The following KCNIP4 variants were observed in gnomAD, a reference collection of about 807,000 sequenced individuals.
The protein encoded by KCNIP4 is potassium voltage-gated channel interacting protein 4, also known as Kv channel-interacting protein 4.
In KCNIP4, 12 loss-of-function variants were observed where a neutral mutation model predicts 34.0. That is an observed-to-expected ratio of 0.35 (90% CI 0.23 to 0.57). The LOEUF (loss-of-function observed/expected upper bound fraction) is 0.57, where lower values mean the gene tolerates loss of function less well. Among genes scored for constraint, KCNIP4 ranks in the 20% least tolerant of loss-of-function variants. The pLI, the probability that KCNIP4 is intolerant of heterozygous loss-of-function variation, is 0.83. For synonymous variants in KCNIP4, 124 were observed against 102.2 expected, an observed-to-expected ratio of 1.21 and a Z score of -1.29; for missense variants, 238 against 311.7, an observed-to-expected ratio of 0.76 and a Z score of 1.78.
chr4:21,926,728 T>C (rs1729270038), intron 1 of KCNIP4, among the ~76,000 whole-genome samples: 1 of 152,160 alleles, frequency 6.6e-6, no homozygotes, highest in Non-Finnish European at 1.5e-5. Flanking sequence ...TACTACCTCT[T>C]AGACTACCTC....
intron 1 of KCNIP4, among the ~76,000 whole-genome samples, chr4:21,015,814 AC>A (rs1407964629): frequency 2.2e-5 from 3 of 137,752 alleles, no homozygotes; most frequent in South Asian, 4.3e-4. Flanking sequence ...TACTATATAT[AC>A]CATATATAAA....
chr4:20,749,797 GC>G, intron 4 of KCNIP4, 65 bp from the exon 5 acceptor site: 1 of 1,042,494 alleles, frequency 9.6e-7, no homozygotes, highest in South Asian at 1.5e-5. Context: ...GACTTGGATA[GC>G]AGTCCAAGCT....
chr4:21,230,272 T>C (rs936742969), intron 1 of KCNIP4, among the ~76,000 whole-genome samples: 1 of 152,126 alleles, frequency 6.6e-6, no homozygotes, highest in African/African-American at 2.4e-5. Context: ...GTAGAGTTCA[T>C]TCCCCTGCTT....
At chr4:21,726,353 G>A (rs987396710) in intron 1 of KCNIP4, among the ~76,000 whole-genome samples, 4 of 152,214 alleles carry the variant, frequency 2.6e-5, no homozygotes, top group South Asian at 2.1e-4. Flanking sequence ...CTAATAAACT[G>A]TATTTTAAGC....
intron 1 of KCNIP4, among the ~76,000 whole-genome samples, chr4:21,856,518 C>A (rs377313042): frequency 6.6e-6 from 1 of 152,310 alleles, no homozygotes; most frequent in South Asian, 2.1e-4. Flanking sequence ...AGCTCCACCC[C>A]CTTCTGAGTT....
At chr4:21,610,206 A>C (rs1199919698) in intron 1 of KCNIP4, among the ~76,000 whole-genome samples, 2 of 152,364 alleles carry the variant, frequency 1.3e-5, no homozygotes, top group African/African-American at 2.4e-5. Context: ...AACCAGCAGA[A>C]ATTTATTTTC....
chr4:20,999,414 G>T (rs1277563158), intron 1 of KCNIP4, among the ~76,000 whole-genome samples: 3 of 95,348 alleles, frequency 3.1e-5, no homozygotes, highest in South Asian at 5.9e-4. Flanking sequence ...TTGTGGTGGT[G>T]TTTTTTTTTT....
At chr4:20,741,933 G>A (rs1452241230) in intron 5 of KCNIP4, among the ~76,000 whole-genome samples, 4 of 152,230 alleles carry the variant, frequency 2.6e-5, no homozygotes, top group African/African-American at 7.2e-5. Flanking sequence ...CAGAGAATAC[G>A]ATGAACACCT....
intron 1 of KCNIP4, among the ~76,000 whole-genome samples, chr4:21,935,080 C>T (rs920956640): frequency 6.6e-6 from 1 of 152,144 alleles, no homozygotes; most frequent in Non-Finnish European, 1.5e-5. Flanking sequence ...AGTATAGAGC[C>T]TGCCTAGGTG....
At chr4:20,752,160 G>C (rs1753772010) in intron 4 of KCNIP4, among the ~76,000 whole-genome samples, 1 of 146,612 alleles carries the variant, frequency 6.8e-6, no homozygotes, top group East Asian at 2.2e-4. Context: ...CTGGGTTCAA[G>C]CGATTCTCCT....
chr4:21,348,390 A>G (rs1347448659), intron 1 of KCNIP4, among the ~76,000 whole-genome samples: 1 of 152,184 alleles, frequency 6.6e-6, no homozygotes, highest in East Asian at 1.9e-4. Context: ...GTTGGCAAAT[A>G]GCTCCTCTGT....
intron 1 of KCNIP4, among the ~76,000 whole-genome samples, chr4:21,322,298 G>A (rs529865959): frequency 4.3e-4 from 65 of 152,248 alleles, no homozygotes; most frequent in African/African-American, 1.4e-3. Context: ...TGAGCCAGCT[G>A]AGGAGATGGT....
intron 1 of KCNIP4, among the ~76,000 whole-genome samples, chr4:21,813,648 G>A (rs768745942): frequency 1.8e-4 from 27 of 151,996 alleles, no homozygotes; most frequent in Non-Finnish European, 2.9e-4. Context: ...GCAAACTAAT[G>A]CAAATATAAT....
At chr4:21,405,925 T>C (rs957852432) in intron 1 of KCNIP4, among the ~76,000 whole-genome samples, 3 of 152,222 alleles carry the variant, frequency 2.0e-5, no homozygotes, top group Non-Finnish European at 4.4e-5. Flanking sequence ...AAACTCCGCC[T>C]CCCGGGTTCA....
chr4:20,793,979 T>A (rs1324436024), intron 3 of KCNIP4, among the ~76,000 whole-genome samples: 1 of 152,158 alleles, frequency 6.6e-6, no homozygotes, highest in Non-Finnish European at 1.5e-5. Flanking sequence ...TTTCTCATGT[T>A]GTTCTCATAA....
intron 1 of KCNIP4, among the ~76,000 whole-genome samples, chr4:20,974,589 C>T (rs1039000181): frequency 3.3e-5 from 5 of 152,118 alleles, no homozygotes; most frequent in African/African-American, 9.7e-5. Context: ...ATGCTCAGTG[C>T]TAAAAGTGTT....
chr4:20,798,933 C>A (rs1397044504), intron 3 of KCNIP4, among the ~76,000 whole-genome samples: 4 of 152,178 alleles, frequency 2.6e-5, no homozygotes, highest in Non-Finnish European at 5.9e-5. Context: ...CTCCCCACTG[C>A]CCCCTGTCCC....
rs1560198674 is a variant in KCNIP4 at position 21,234,235 on chromosome 4, A to ATAT, written c.62-351529_62-351527dup. ...GTATATTATATATAACATATATAAC[A>ATAT]TATATATAACATATATTATATATAA... On this transcript the variant is annotated intron_variant, in intron 1 of 8. Transcript: ENST00000382152. 1.0e-3 allele frequency among the ~76,000 whole-genome samples: 37 copies of ATAT among 36,506 alleles called. 3 individuals carry two copies. The highest frequency in any genetic ancestry group is 3.9e-3 in the African/African-American group (14 of 3,550). The allele number at this position is 36,506 out of a possible 152,430, so 23.9% of individuals were successfully genotyped here. A position where few individuals can be genotyped will look rare whatever the true frequency, so the allele number is the denominator to read the frequency against.
At chr4:21,330,597 T>C (rs904402169) in intron 1 of KCNIP4, among the ~76,000 whole-genome samples, 4 of 152,120 alleles carry the variant, frequency 2.6e-5, no homozygotes, top group African/African-American at 9.7e-5. Context: ...AAATAATAAA[T>C]AATTTTGTAT....
Sources: gnomAD v4.1 joint callset for allele counts (sites outside exome capture counted in the v4.1 genomes callset) on GRCh38, gnomAD v4.1.1 for gene constraint, MANE v1.5 for transcripts, NCBI Gene and HGNC (gene_info 2026-07-23, HGNC 2026-07-21) for gene names.